BOD1: variants seen among roughly 807,000 people sequenced by gnomAD.
BOD1 encodes biorientation of chromosomes in cell division 1.
A neutral mutation model predicts 15.7 loss-of-function variants in BOD1; 11 were observed. The ratio of observed to expected loss-of-function variants is 0.70; its 90% CI spans 0.44 to 1.16. The LOEUF (loss-of-function observed/expected upper bound fraction) is 1.16. Among genes scored for constraint, BOD1 ranks in the 50% most tolerant of loss-of-function variants. The probability of loss-of-function intolerance (pLI) is 0.00; values close to 1 mark genes in which losing one functional copy is unlikely to be tolerated. For synonymous variants in BOD1, 105 were observed against 103.5 expected, an observed-to-expected ratio of 1.01 and a Z score of -0.09; for missense variants, 182 against 244.5, an observed-to-expected ratio of 0.74 and a Z score of 1.70.
In BOD1 at chr5:173,616,395, G is replaced by A; in HGVS notation, c.42C>T (p.Gly14=). 2 of 1,523,234 alleles carry A rather than the reference G, an allele frequency of 1.3e-6. No individual in the cohort carries two copies. Among genetic ancestry groups the A allele is most frequent in the Non-Finnish European group, 1.7e-6 (2 of 1,144,688 alleles). 94.4% of individuals were successfully genotyped at this position (1,523,234 alleles called of 1,614,324 possible). A position where few individuals can be genotyped will look rare whatever the true frequency, so the allele number is the denominator to read the frequency against. ...GGGGGGTGAV[G]GGGTSQASAG... is the part of the protein sequence containing the mutation. ...CAGAGGCCTGGCTAGTTCCGCCGCC[G>A]CCCACCGCGCCAGTTCCCCCGCCGC... Residue 14 remains glycine (G), a synonymous_variant, in exon 1 of 4, where the codon GGC becomes GGT. Coordinates refer to ENST00000311086, the MANE Select transcript of BOD1 (RefSeq NM_138369.3).
intron 2 of BOD1, 116 bp from the exon 3 acceptor site, chr5:173,609,550 T>C (rs1755294187): frequency 1.9e-6 from 2 of 1,060,944 alleles, no homozygotes; most frequent in African/African-American, 3.2e-5. Context: ...ACAGCCCTTC[T>C]AGGGAGTTTA....
Position 173,616,315 on chromosome 5 carries a change from G to C in BOD1, c.122C>G (p.Pro41Arg). ...CGGGTCGCCGGGAGGCAGCGAGGCC[G>C]GGTTGATGGGGCCACCGCCCCCGCT... ...GASGGGGPINPASLPPGDPQL... is the reference protein window; with the variant it reads ...GASGGGGPINRASLPPGDPQL... The change falls in exon 1 of 4, where the codon CCG (proline) becomes CGG (arginine). Residue 41 changes from proline to arginine, a missense_variant. Physicochemically the swap from Pro to Arg is moderately radical, Grantham distance 103. Coordinates refer to ENST00000311086, the MANE Select transcript of BOD1 (RefSeq NM_138369.3). 2 of 1,536,312 alleles carry C rather than the reference G, an allele frequency of 1.3e-6. No homozygotes were observed. The highest frequency in any genetic ancestry group is 2.5e-5 in the East Asian group (1 of 40,330).
intron 2 of BOD1, chr5:173,609,743 A>G (rs1755299154): frequency 3.3e-6 from 1 of 301,512 alleles, no homozygotes. Flanking sequence ...GCATGGTGAG[A>G]AAGAGTTTGA....
chr5:173,613,941 G>A (rs1490882673), intron 1 of BOD1, among the ~76,000 whole-genome samples: 1 of 152,220 alleles, frequency 6.6e-6, no homozygotes, highest in Non-Finnish European at 1.5e-5. Context: ...AGGAGTGGGT[G>A]CCTGAGCCAC....
chr5:173,608,417 T>A, intron 3 of BOD1, 125 bp from the exon 4 acceptor site: 1 of 764,992 alleles, frequency 1.3e-6, no homozygotes, highest in Non-Finnish European at 2.1e-6. Context: ...ACACTCCATA[T>A]TGGACTCAAG....
intron 1 of BOD1, among the ~76,000 whole-genome samples, chr5:173,614,231 T>G (rs55667293): frequency 0.076 from 11,605 of 152,252 alleles, 511 homozygotes; most frequent in Admixed American, 0.11. Flanking sequence ...CATAAAGCAG[T>G]TAGGATTATT....
At chr5:173,609,636 T>A in intron 2 of BOD1, 1 of 566,568 alleles carries the variant, frequency 1.8e-6, no homozygotes, top group Admixed American at 3.2e-5. Context: ...GCAGCTGTTA[T>A]TCCTACTGCA....
At chr5:173,612,422 G>C (rs1755378719) in intron 2 of BOD1, among the ~76,000 whole-genome samples, 1 of 152,178 alleles carries the variant, frequency 6.6e-6, no homozygotes, top group Non-Finnish European at 1.5e-5. Context: ...TACCATACGA[G>C]CTGTTGCACG....
In BOD1 at chr5:173,608,215, C is replaced by T. The variant is rs1755253658; in HGVS notation, c.*79G>A. On this transcript the variant is annotated 3_prime_UTR_variant, in exon 4 of 4. Transcript: ENST00000311086. ...ATCAGTGACGACCTTGGCCTATCTT[C>T]AGTCTGAAGTTGCACTCTTATGTAA... 4.5e-6 allele frequency: 7 copies of T among 1,556,710 alleles called. No individual in the cohort carries two copies. Among genetic ancestry groups the T allele is most frequent in the Non-Finnish European group, 6.2e-6 (7 of 1,127,878 alleles).
chr5:173,616,474 C>T lies in BOD1; in HGVS notation c.-38G>A, dbSNP rs1445152486. 6.4e-7 allele frequency: 1 copy of T among 1,557,068 alleles called. No individual in the cohort carries two copies. Among genetic ancestry groups the T allele is most frequent in the East Asian group, 2.5e-5 (1 of 40,508 alleles). Reference sequence around the variant, plus strand: ...GGCCCACAAGGGAGAACGACTATAGCTTCTTCTCCAGGACAGAAGGCCTAG... The same window carrying T: ...GGCCCACAAGGGAGAACGACTATAGTTTCTTCTCCAGGACAGAAGGCCTAG... On this transcript the variant is annotated 5_prime_UTR_variant, in exon 1 of 4. Transcript: ENST00000311086.
At position 173,616,599 on chromosome 5, in the gene BOD1, C is replaced by T. The variant is rs987039937; in HGVS notation, c.-163G>A. ...GCAGGGGCGGTGGTGGGGGCGGCGG[C>T]GGCGAAGGCCCCCTCTGATACAGCA... is the stretch of plus-strand genomic sequence containing the variant. On this transcript the variant is annotated 5_prime_UTR_variant, in exon 1 of 4. Coordinates refer to ENST00000311086, the MANE Select transcript of BOD1 (RefSeq NM_138369.3). 26 of 1,349,922 alleles carry T rather than the reference C, an allele frequency of 1.9e-5. No homozygotes were observed. The East Asian group carries it at 3.8e-4, about 19-fold the overall frequency. The allele number at this position is 1,349,922 out of a possible 1,614,324, so 83.6% of individuals were successfully genotyped here. A position where few individuals can be genotyped will look rare whatever the true frequency, so the allele number is the denominator to read the frequency against.
chr5:173,608,243 G>A lies in BOD1; in HGVS notation c.*51C>T, dbSNP rs372434796. ...TCTGAAGTTGCACTCTTATGTAACC[G>A]AATCCATTTCTTCACCAAAAATTAG... On this transcript the variant is annotated 3_prime_UTR_variant, in exon 4 of 4. Coordinates refer to ENST00000311086, the MANE Select transcript of BOD1 (RefSeq NM_138369.3). The A allele has an allele frequency of 3.0e-5, 48 of 1,609,504 alleles. No homozygotes were observed. The highest frequency in any genetic ancestry group is 5.0e-5 in the Admixed American group (3 of 59,972).
rs749298438 is a variant in BOD1, at chr5:173,616,401, C to T, written c.36G>A (p.Ala12=). ...CCTGGCTAGTTCCGCCGCCGCCCAC[C>T]GCGCCAGTTCCCCCGCCGCCGCCGC... ...ADGGGGGGTG[A]VGGGGTSQAS... is the part of the protein sequence containing the mutation. Residue 12 remains alanine, a synonymous_variant, in exon 1 of 4, where the codon GCG becomes GCA. Coordinates refer to ENST00000311086, the MANE Select transcript of BOD1 (RefSeq NM_138369.3). 1 of 1,529,138 alleles carries T rather than the reference C, an allele frequency of 6.5e-7. No homozygotes were observed. The highest frequency in any genetic ancestry group is 2.0e-5 in the Admixed American group (1 of 51,278). The allele number at this position is 1,529,138 out of a possible 1,614,324, so 94.7% of individuals were successfully genotyped here.
intron 2 of BOD1, among the ~76,000 whole-genome samples, chr5:173,611,886 A>G (rs1755363941): frequency 6.6e-6 from 1 of 152,252 alleles, no homozygotes; most frequent in Admixed American, 6.5e-5. Context: ...CAGAATGTTC[A>G]GTGTTTTGAT....
At position 173,616,383 on chromosome 5, in the gene BOD1, A is replaced by G. The variant is rs752095035; in HGVS notation, c.54T>C (p.Thr18=). The change falls in exon 1 of 4, where the codon ACT becomes ACC. Residue 18 remains threonine, a synonymous_variant. Coordinates refer to ENST00000311086, the MANE Select transcript of BOD1 (RefSeq NM_138369.3). ...TCGCTGCCCCGGCAGAGGCCTGGCT[A>G]GTTCCGCCGCCGCCCACCGCGCCAG... ...GGTGAVGGGG[T]SQASAGAATG... is the part of the protein sequence containing the mutation. The G allele has an allele frequency of 1.3e-6, 2 of 1,519,874 alleles. No homozygotes were observed. The highest frequency in any genetic ancestry group is 2.6e-5 in the East Asian group (1 of 38,448). 94.1% of individuals were successfully genotyped at this position (1,519,874 alleles called of 1,614,324 possible).
intron 2 of BOD1, chr5:173,609,691 A>G (rs1188338445): frequency 4.9e-6 from 2 of 410,862 alleles, no homozygotes; most frequent in African/African-American, 4.0e-5. Context: ...AGAATCAAAA[A>G]CAAAACTAAG....
chr5:173,615,699 C>CTGTT (rs1296175776), intron 1 of BOD1, among the ~76,000 whole-genome samples: 4 of 152,204 alleles, frequency 2.6e-5, no homozygotes, highest in Admixed American at 6.5e-5. Context: ...AATAAGGGTG[C>CTGTT]TGTTTCTACA....
intron 2 of BOD1, among the ~76,000 whole-genome samples, chr5:173,612,672 G>A (rs1224380905): frequency 1.3e-5 from 2 of 152,204 alleles, no homozygotes; most frequent in Admixed American, 6.5e-5. Context: ...ACTTTATTAA[G>A]ACTATGCCTT....
intron 1 of BOD1, among the ~76,000 whole-genome samples, chr5:173,614,269 T>C (rs918278318): frequency 1.3e-5 from 2 of 152,238 alleles, no homozygotes; most frequent in Non-Finnish European, 2.9e-5. Context: ...TAAATCCTGA[T>C]GCCATACCGT....
Sources: allele counts gnomAD v4.1 joint callset (sites outside exome capture counted in the v4.1 genomes callset), GRCh38; gene constraint gnomAD v4.1.1; transcripts MANE v1.5; gene names NCBI Gene and HGNC (gene_info 2026-07-23, HGNC 2026-07-21).